COBL: variants seen among roughly 807,000 people sequenced by gnomAD.
The protein encoded by COBL is protein cordon-bleu.
COBL carries 51 observed loss-of-function variants against 98.8 expected under a neutral mutation model. That is an observed-to-expected ratio of 0.52 (90% CI 0.41 to 0.65). The LOEUF (loss-of-function observed/expected upper bound fraction) is 0.65. Ranked by LOEUF, COBL falls within the 30% of genes least tolerant of loss-of-function variation. The probability of loss-of-function intolerance (pLI) is 0.00; values close to 1 mark genes in which losing one functional copy is unlikely to be tolerated. For synonymous variants in COBL, 634 were observed against 651.7 expected (o/e 0.97, Z 0.41); for missense variants, 1,617 against 1,617.5 (o/e 1.00, Z 0.01).
At chr7:51,105,677 G>A (rs1796193796) in intron 6 of COBL, among the ~76,000 whole-genome samples, 1 of 152,064 alleles carries the variant, frequency 6.6e-6, no homozygotes, top group Non-Finnish European at 1.5e-5. Context: ...ATTGAGCCCA[G>A]TAGTTCGAGG....
intron 5 of COBL, among the ~76,000 whole-genome samples, chr7:51,147,395 A>G (rs1785128150): frequency 6.6e-6 from 1 of 152,236 alleles, no homozygotes; most frequent in African/African-American, 2.4e-5. Context: ...CAGAAAGGGT[A>G]CACTCACCAG....
chr7:51,026,313 G>T (rs1328093269), intron 11 of COBL, among the ~76,000 whole-genome samples: 1 of 152,244 alleles, frequency 6.6e-6, no homozygotes, highest in African/African-American at 2.4e-5. Context: ...CTTCAGCAAA[G>T]GCTGAGAGAG....
At chr7:51,314,732 G>T (rs77084645) in intron 1 of COBL, among the ~76,000 whole-genome samples, 1,684 of 152,250 alleles carry the variant, frequency 0.011, 31 homozygotes, top group African/African-American at 0.038. Context: ...AAAGATGTTC[G>T]GACAAGTAAA....
chr7:51,242,768 A>G (rs1428807872), intron 1 of COBL, among the ~76,000 whole-genome samples: 2 of 152,222 alleles, frequency 1.3e-5, no homozygotes, highest in Non-Finnish European at 2.9e-5. Flanking sequence ...AGCTGGAGAC[A>G]GAGCTGAACC....
intron 11 of COBL, among the ~76,000 whole-genome samples, chr7:51,025,719 A>T (rs900975258): frequency 1.3e-5 from 2 of 152,198 alleles, no homozygotes; most frequent in African/African-American, 4.8e-5. Context: ...AGTCTGTCAG[A>T]TTCTGGTATA....
At chr7:51,205,223 A>T (rs1243853581) in intron 2 of COBL, among the ~76,000 whole-genome samples, 7 of 152,232 alleles carry the variant, frequency 4.6e-5, no homozygotes, top group African/African-American at 1.7e-4. Context: ...CTTAAGAAAG[A>T]AGAACAAACC....
At chr7:51,190,214 A>C (rs979444229) in intron 4 of COBL, among the ~76,000 whole-genome samples, 6 of 150,668 alleles carry the variant, frequency 4.0e-5, no homozygotes, top group Admixed American at 1.3e-4. Context: ...AATCAAGATA[A>C]TTTTTTTTTT....
chr7:51,256,480 C>T (rs934562285), intron 1 of COBL, among the ~76,000 whole-genome samples: 9 of 152,150 alleles, frequency 5.9e-5, no homozygotes, highest in Non-Finnish European at 1.0e-4. Flanking sequence ...CAGAACACAA[C>T]GAAGAGGCAA....
intron 1 of COBL, among the ~76,000 whole-genome samples, chr7:51,231,519 T>C (rs746202480): frequency 5.3e-5 from 8 of 152,138 alleles, no homozygotes; most frequent in Non-Finnish European, 1.2e-4. Context: ...CCGGGAGCAC[T>C]GTGATGTGAG....
chr7:51,073,362 T>C, intron 7 of COBL: 1 of 696,254 alleles, frequency 1.4e-6, no homozygotes, highest in East Asian at 2.7e-5. Flanking sequence ...TTGGCCTGAG[T>C]AGGGAATGAC....
intron 1 of COBL, among the ~76,000 whole-genome samples, chr7:51,299,444 T>A (rs1423630272): frequency 6.6e-6 from 1 of 152,190 alleles, no homozygotes; most frequent in East Asian, 1.9e-4. Context: ...TTCCCAAAAG[T>A]CACAAGTTTC....
At chr7:51,161,549 A>G (rs1035043908) in intron 5 of COBL, among the ~76,000 whole-genome samples, 6 of 152,212 alleles carry the variant, frequency 3.9e-5, no homozygotes, top group African/African-American at 1.4e-4. Context: ...TCTGTGAAAC[A>G]CTATAATGAC....
At chr7:51,053,958 A>G (rs1305527021) in intron 7 of COBL, among the ~76,000 whole-genome samples, 1 of 152,260 alleles carries the variant, frequency 6.6e-6, no homozygotes, top group African/African-American at 2.4e-5. Flanking sequence ...AGGTGGGTGG[A>G]TGACTTGAGG....
intron 1 of COBL, among the ~76,000 whole-genome samples, chr7:51,239,702 A>G (rs1447885290): frequency 6.6e-6 from 1 of 152,164 alleles, no homozygotes; most frequent in Non-Finnish European, 1.5e-5. Flanking sequence ...CTTTCTGGTA[A>G]GAATACTACT....
chr7:51,092,043 G>A (rs927772064), intron 6 of COBL, among the ~76,000 whole-genome samples: 1 of 152,234 alleles, frequency 6.6e-6, no homozygotes, highest in African/African-American at 2.4e-5. Flanking sequence ...TGAGTGGTAA[G>A]TGAACAAGCA....
chr7:51,070,086 C>A (rs1034278681), intron 7 of COBL, among the ~76,000 whole-genome samples: 2 of 151,988 alleles, frequency 1.3e-5, no homozygotes, highest in African/African-American at 4.8e-5. Flanking sequence ...TAACATAAAG[C>A]CTTTAAGGGT....
chr7:51,200,544 A>G (rs747151968), intron 2 of COBL, among the ~76,000 whole-genome samples: 4 of 152,224 alleles, frequency 2.6e-5, no homozygotes. Context: ...AGTGAAGTGG[A>G]TATCAGCTTC....
At chr7:51,126,227 C>G (rs1251609790) in intron 6 of COBL, among the ~76,000 whole-genome samples, 1 of 152,160 alleles carries the variant, frequency 6.6e-6, no homozygotes, top group Non-Finnish European at 1.5e-5. Context: ...GTATGGGAGG[C>G]TGAGGCAGGA....
At position 51,290,329 on chromosome 7, in the gene COBL, A is replaced by G. The variant is rs115095674; in HGVS notation, c.41+26264T>C. ...AAATCTGACTGCTAATCATTGGGGA[A>G]CATGGATTCTGAAGGAACAGGCAAA... On this transcript the variant is annotated intron_variant, in intron 1 of 12. Coordinates refer to ENST00000265136, the MANE Select transcript of COBL (RefSeq NM_015198.5). Among the ~76,000 whole-genome samples the G allele has an allele frequency of 7.5e-3, 1,149 of 152,304 alleles. 14 individuals are homozygous for G. The highest frequency in any genetic ancestry group is 0.027 in the African/African-American group (1,116 of 41,558).
Sources: gnomAD v4.1 joint callset for allele counts (sites outside exome capture counted in the v4.1 genomes callset) on GRCh38, gnomAD v4.1.1 for gene constraint, MANE v1.5 for transcripts, NCBI Gene and HGNC (gene_info 2026-07-23, HGNC 2026-07-21) for gene names.